The following GNB5 variants were observed in gnomAD, a reference collection of about 807,000 sequenced individuals.
GNB5 encodes the protein guanine nucleotide-binding protein subunit beta-5.
In GNB5, 37 loss-of-function variants were observed where a neutral mutation model predicts 55.3. The ratio of observed to expected loss-of-function variants is 0.67; its 90% CI spans 0.51 to 0.88. The LOEUF (loss-of-function observed/expected upper bound fraction) is 0.88. GNB5 is among the 40% of genes least tolerant of loss of function. GNB5 has a pLI of 0.00. For synonymous variants in GNB5, 219 were observed against 198.5 expected (o/e 1.10, Z -0.87); for missense variants, 476 against 515.3 (o/e 0.92, Z 0.74).
At chr15:52,186,805 G>C (rs918216360) in intron 1 of GNB5, among the ~76,000 whole-genome samples, 3 of 152,190 alleles carry the variant, frequency 2.0e-5, no homozygotes, top group African/African-American at 4.8e-5. Flanking sequence ...GCCCACCCTG[G>C]GGCTGGAGAG....
chr15:52,143,140 G>T (rs1308726363), intron 6 of GNB5, among the ~76,000 whole-genome samples: 1 of 151,116 alleles, frequency 6.6e-6, no homozygotes, highest in Non-Finnish European at 1.5e-5. Context: ...GGGCAACAGA[G>T]TGAGATTCTT....
chr15:52,133,914 A>G (rs2033638954), intron 8 of GNB5, among the ~76,000 whole-genome samples: 1 of 152,168 alleles, frequency 6.6e-6, no homozygotes, highest in African/African-American at 2.4e-5. Flanking sequence ...GCCCAAATGG[A>G]GCAGCCGAGA....
chr15:52,126,187 C>T, intron 10 of GNB5, 143 bp from the exon 11 acceptor site: 1 of 586,298 alleles, frequency 1.7e-6, no homozygotes, highest in Non-Finnish European at 3.0e-6. Flanking sequence ...ACTGTTATTT[C>T]ATCCTTTAGT....
intron 3 of GNB5, among the ~76,000 whole-genome samples, chr15:52,170,834 G>A (rs966978270): frequency 6.6e-6 from 1 of 151,960 alleles, no homozygotes; most frequent in African/African-American, 2.4e-5. Context: ...GGCTGGGCGT[G>A]GTGGCTCATG....
At position 52,141,158 on chromosome 15, in the gene GNB5, G is replaced by A. The variant is rs761513425; in HGVS notation, c.609C>T (p.Phe203=). The A allele has an allele frequency of 2.8e-5, 45 of 1,614,114 alleles. No homozygotes were observed. The South Asian group carries it at 4.6e-4, about 17-fold the overall frequency. The part of the protein sequence containing the change: ...MHTNYLSACS[F]TNSDMQILTA... ...TATTTACCTGCATGTCAGAGTTGGT[G>A]AAGCTGCAGGCCGACAGGTAGTTGG... Residue 203 remains phenylalanine, a synonymous_variant, in exon 7 of 13, where the codon TTC becomes TTT. Coordinates refer to ENST00000261837, the MANE Select transcript of GNB5 (RefSeq NM_016194.4).
intron 5 of GNB5, 119 bp from the exon 6 acceptor site, chr15:52,147,654 T>G: frequency 2.0e-6 from 1 of 488,868 alleles, no homozygotes; most frequent in Non-Finnish European, 3.7e-6. Context: ...TGGCACAATC[T>G]CAGCTCACTC....
chr15:52,135,053 T>C (rs1446739858), intron 8 of GNB5, among the ~76,000 whole-genome samples: 4 of 152,046 alleles, frequency 2.6e-5, no homozygotes, highest in African/African-American at 9.7e-5. Flanking sequence ...TCTCTGAGTC[T>C]CTGTGGCCCT....
At chr15:52,137,230 T>C (rs1414594779) in intron 7 of GNB5, 1 of 1,164,212 alleles carries the variant, frequency 8.6e-7, no homozygotes, top group Non-Finnish European at 1.1e-6. Flanking sequence ...TGATGTTCGC[T>C]TGGGGAGTTG....
intron 1 of GNB5, among the ~76,000 whole-genome samples, chr15:52,188,234 T>C (rs2034873017): frequency 6.6e-6 from 1 of 152,212 alleles, no homozygotes; most frequent in South Asian, 2.1e-4. Flanking sequence ...CTATGGGCCT[T>C]AAGTCGTATC....
chr15:52,140,101 T>C, intron 7 of GNB5: 1 of 451,900 alleles, frequency 2.2e-6, no homozygotes, highest in Non-Finnish European at 3.2e-6. Context: ...ATGGTGACAC[T>C]GCAAGTCCCA....
At chr15:52,149,729 C>T (rs750410665) in intron 5 of GNB5, 155 bp downstream of exon 5, 19 of 713,562 alleles carry the variant, frequency 2.7e-5, no homozygotes, top group Non-Finnish European at 3.4e-5. Context: ...TGTTCAAACA[C>T]GGATAGGCCT....
chr15:52,185,116 A>G (rs551339892), intron 1 of GNB5, among the ~76,000 whole-genome samples: 2 of 152,382 alleles, frequency 1.3e-5, no homozygotes, highest in South Asian at 4.1e-4. Context: ...CCTGACCCCA[A>G]CCAAAGCCAG....
At chr15:52,179,618 C>T (rs2034725186) in intron 3 of GNB5, 150 bp downstream of exon 3, 1 of 302,896 alleles carries the variant, frequency 3.3e-6, no homozygotes, top group Non-Finnish European at 5.7e-6. Flanking sequence ...GCCTCACCTG[C>T]GCGCCCGGGC....
At chr15:52,151,119 T>C (rs2034084022) in intron 4 of GNB5, among the ~76,000 whole-genome samples, 1 of 152,144 alleles carries the variant, frequency 6.6e-6, no homozygotes, top group Admixed American at 6.5e-5. Context: ...CCAAAGCACA[T>C]TGGTTCTTCT....
Position 52,141,135 on chromosome 15 carries a change from T to C in GNB5, c.627+5A>G, listed in dbSNP as rs1398025742. 2 of 1,614,012 alleles carry C rather than the reference T, an allele frequency of 1.2e-6. No homozygotes were observed. Among genetic ancestry groups the C allele is most frequent in the Non-Finnish European group, 1.7e-6 (2 of 1,179,888 alleles). On this transcript the variant is annotated splice_donor_5th_base_variant and intron_variant, in intron 7 of 12. Transcript: ENST00000261837. ...TCAACCTGACACCGGGGGCTGCCTA[T>C]TTACCTGCATGTCAGAGTTGGTGAA...
intron 11 of GNB5, 26 bp from the exon 12 acceptor site, chr15:52,124,665 G>C (rs2033374898): frequency 6.3e-7 from 1 of 1,599,770 alleles, no homozygotes; most frequent in Admixed American, 1.7e-5. Flanking sequence ...GATGATAGCT[G>C]TTAAGCCAGT....
intron 8 of GNB5, 86 bp downstream of exon 8, chr15:52,135,527 G>T: frequency 8.3e-7 from 1 of 1,202,778 alleles, no homozygotes; most frequent in Non-Finnish European, 1.2e-6. Context: ...AAGTGCCTAG[G>T]CTAATCCCAT....
chr15:52,143,555 C>G (rs2033905643), intron 6 of GNB5, among the ~76,000 whole-genome samples: 2 of 152,080 alleles, frequency 1.3e-5, no homozygotes. Flanking sequence ...GTATATATAA[C>G]CAATTGACAC....
At chr15:52,177,607 T>C (rs12898389) in intron 3 of GNB5, among the ~76,000 whole-genome samples, 35,962 of 147,636 alleles carry the variant, frequency 0.24, 4,783 homozygotes, top group Admixed American at 0.35. Context: ...GCCAAGACTG[T>C]GCCATTGTAC....
Sources: gnomAD v4.1 joint callset for allele counts (sites outside exome capture counted in the v4.1 genomes callset) on GRCh38, gnomAD v4.1.1 for gene constraint, MANE v1.5 for transcripts, NCBI Gene and HGNC (gene_info 2026-07-23, HGNC 2026-07-21) for gene names.